The following PTPRT variants were observed in gnomAD, a reference collection of about 807,000 sequenced individuals.
PTPRT encodes the protein receptor-type tyrosine-protein phosphatase T.
A neutral mutation model predicts 176.8 loss-of-function variants in PTPRT; 56 were observed. The ratio of observed to expected loss-of-function variants is 0.32; its 90% CI spans 0.26 to 0.40. PTPRT has a LOEUF of 0.40. Ranked by LOEUF, PTPRT falls within the 10% of genes least tolerant of loss-of-function variation. The pLI is 1.00. For synonymous variants in PTPRT, 783 were observed against 739.0 expected (o/e 1.06, Z -0.96); for missense variants, 1,540 against 1,908.2 (o/e 0.81, Z 3.60).
chr20:42,510,455 GT>G (rs1052137108), intron 7 of PTPRT, among the ~76,000 whole-genome samples: 8 of 152,016 alleles, frequency 5.3e-5, no homozygotes, highest in Admixed American at 2.0e-4. Flanking sequence ...TAACGTGTGT[GT>G]TTTTTAAAAA....
intron 7 of PTPRT, among the ~76,000 whole-genome samples, chr20:42,575,833 G>A (rs533037131): frequency 6.6e-6 from 1 of 152,074 alleles, no homozygotes; most frequent in East Asian, 1.9e-4. Context: ...CGCCACACTA[G>A]TCCAGCCACA....
At chr20:42,216,724 C>T (rs1323827558) in intron 15 of PTPRT, among the ~76,000 whole-genome samples, 1 of 152,152 alleles carries the variant, frequency 6.6e-6, no homozygotes, top group Non-Finnish European at 1.5e-5. Flanking sequence ...CATATTTGAG[C>T]TTCCCCGTGT....
chr20:42,815,817 A>G (rs1397092688), intron 2 of PTPRT, among the ~76,000 whole-genome samples: 1 of 152,206 alleles, frequency 6.6e-6, no homozygotes, highest in South Asian at 2.1e-4. Context: ...AATTTTTAAG[A>G]GTGATCTTTA....
chr20:42,342,444 A>T (rs536165377), intron 11 of PTPRT, among the ~76,000 whole-genome samples: 2 of 152,292 alleles, frequency 1.3e-5, no homozygotes, highest in South Asian at 4.1e-4. Context: ...CCAATACACC[A>T]AAGTGGGACC....
intron 1 of PTPRT, among the ~76,000 whole-genome samples, chr20:43,087,091 C>A (rs534840145): frequency 2.0e-5 from 3 of 152,338 alleles, no homozygotes; most frequent in African/African-American, 7.2e-5. Flanking sequence ...TCCCTGGCAA[C>A]CATGAATCTA....
chr20:42,981,979 A>G (rs1983308785), intron 1 of PTPRT, among the ~76,000 whole-genome samples: 1 of 152,182 alleles, frequency 6.6e-6, no homozygotes, highest in African/African-American at 2.4e-5. Context: ...AGAGGCCACA[A>G]CTAGACCGAG....
intron 16 of PTPRT, among the ~76,000 whole-genome samples, chr20:42,190,824 AGCATGG>A: frequency 6.6e-6 from 1 of 152,226 alleles, no homozygotes; most frequent in East Asian, 1.9e-4. Context: ...TACAGAAGGC[AGCATGG>A]AGGAGTAGTC....
chr20:42,363,300 A>ATATT (rs1248285783), intron 9 of PTPRT, among the ~76,000 whole-genome samples: 14 of 30,556 alleles, frequency 4.6e-4, no homozygotes, highest in East Asian at 2.0e-3. Context: ...ATATATATAT[A>ATATT]TTTTTTTTTT....
intron 5 of PTPRT, among the ~76,000 whole-genome samples, chr20:42,763,873 TC>T (rs753173695): frequency 2.3e-4 from 35 of 152,180 alleles, no homozygotes; most frequent in Non-Finnish European, 4.7e-4. Flanking sequence ...GGTTTAGAAC[TC>T]CTGCAAAGAG....
At chr20:42,321,042 C>G (rs1403554620) in intron 11 of PTPRT, among the ~76,000 whole-genome samples, 1 of 152,178 alleles carries the variant, frequency 6.6e-6, no homozygotes, top group Admixed American at 6.6e-5. Flanking sequence ...CAGCTTTGGA[C>G]AATGACCATA....
Position 42,867,599 on chromosome 20 carries a change from T to C in PTPRT, c.214+18208A>G, listed in dbSNP as rs187370655. 7.2e-4 allele frequency among the ~76,000 whole-genome samples: 110 copies of C among 151,824 alleles called. 1 individual carries two copies. Among genetic ancestry groups the C allele is most frequent in the African/African-American group, 2.5e-3 (104 of 41,390 alleles). ...CAAAGACTGGGCCCTCACCAGACAC[T>C]GAGCCTGCTGGCACCTTGATCTTAA... On this transcript the variant is annotated intron_variant, in intron 2 of 30. Transcript: ENST00000373187.
At chr20:42,904,155 C>A (rs1312659412) in intron 1 of PTPRT, among the ~76,000 whole-genome samples, 3 of 152,194 alleles carry the variant, frequency 2.0e-5, no homozygotes, top group Admixed American at 1.3e-4. Context: ...CTCTTTGGAA[C>A]AAGCACTCAG....
At chr20:42,740,943 C>T (rs762429702) in intron 6 of PTPRT, among the ~76,000 whole-genome samples, 6 of 152,134 alleles carry the variant, frequency 3.9e-5, no homozygotes, top group Admixed American at 2.6e-4. Context: ...ACCCTAAATC[C>T]TCAGAGGTCT....
chr20:42,957,889 T>C (rs867101885), intron 1 of PTPRT, among the ~76,000 whole-genome samples: 1 of 152,210 alleles, frequency 6.6e-6, no homozygotes, highest in Middle Eastern at 3.4e-3. Flanking sequence ...GAGTGCCCTG[T>C]GCAGAATGTC....
chr20:42,996,945 T>C (rs1360838996), intron 1 of PTPRT, among the ~76,000 whole-genome samples: 1 of 152,194 alleles, frequency 6.6e-6, no homozygotes, highest in East Asian at 1.9e-4. Context: ...TCTTCTGTAA[T>C]ACTCAATAAA....
chr20:42,978,200 A>T (rs1307573287), intron 1 of PTPRT, among the ~76,000 whole-genome samples: 1 of 152,114 alleles, frequency 6.6e-6, no homozygotes, highest in Non-Finnish European at 1.5e-5. Flanking sequence ...AATTAGACAC[A>T]GTAAGAGATT....
At chr20:42,336,715 A>G (rs185446575) in intron 11 of PTPRT, among the ~76,000 whole-genome samples, 1 of 152,298 alleles carries the variant, frequency 6.6e-6, no homozygotes, top group East Asian at 1.9e-4. Context: ...AACAAAAAAA[A>G]CTGGAAATGA....
intron 7 of PTPRT, among the ~76,000 whole-genome samples, chr20:42,653,676 T>A (rs2145977085): frequency 6.6e-6 from 1 of 152,348 alleles, no homozygotes; most frequent in South Asian, 2.1e-4. Flanking sequence ...ATAAAATTAT[T>A]TTGAACTATT....
intron 1 of PTPRT, among the ~76,000 whole-genome samples, chr20:42,900,845 C>T (rs6103096): frequency 1.3e-5 from 2 of 152,200 alleles, no homozygotes; most frequent in Admixed American, 6.5e-5. Flanking sequence ...GCACCATAAC[C>T]TAAGCCCAGG....
Sources: gnomAD v4.1 joint callset for allele counts (sites outside exome capture counted in the v4.1 genomes callset) on GRCh38, gnomAD v4.1.1 for gene constraint, MANE v1.5 for transcripts, NCBI Gene and HGNC (gene_info 2026-07-23, HGNC 2026-07-21) for gene names.